TMEM52B: variants seen among roughly 807,000 people sequenced by gnomAD.
The protein encoded by TMEM52B is chromosome 12 open reading frame 59.
A neutral mutation model predicts 16.1 loss-of-function variants in TMEM52B; 11 were observed. That is an observed-to-expected ratio of 0.68 (90% confidence interval 0.43 to 1.13). TMEM52B has a LOEUF of 1.13. TMEM52B is among the 50% of genes most tolerant of loss of function. The pLI is 0.00. For missense variants in TMEM52B, 243 were observed against 230.4 expected, an observed-to-expected ratio of 1.05 and a Z score of -0.35; for synonymous variants, 101 against 93.8, an observed-to-expected ratio of 1.08 and a Z score of -0.45.
intron 1 of TMEM52B, chr12:10,182,203 G>C (rs1948833040): frequency 1.0e-6 from 1 of 985,038 alleles, no homozygotes. Context: ...ATTCAACTGG[G>C]CAGGAATTAG....
intron 4 of TMEM52B, among the ~76,000 whole-genome samples, chr12:10,187,099 G>GTTTTTTTTTTTTTTTT (rs71049057): frequency 6.1e-5 from 5 of 82,178 alleles, no homozygotes; most frequent in South Asian, 4.6e-4. Context: ...TTCCATGACG[G>GTTTTTTTTTTTTTTTT]TTTTTTTTTT....
chr12:10,188,212 C>T lies in TMEM52B; in HGVS notation c.307+1623C>T, dbSNP rs1948903490. Among the ~76,000 whole-genome samples the T allele has an allele frequency of 2.0e-5, 3 of 152,128 alleles. No homozygotes were observed. The South Asian group carries it at 6.2e-4, about 31-fold the overall frequency. The stretch of plus-strand genomic sequence containing the variant: ...AAAAAAGGATAACCAAGGCTGGGCA[C>T]GGTGGCTCAGTCCAAGGCGGGCAGA... On this transcript the variant is annotated intron_variant, in intron 4 of 4. Transcript: ENST00000543484.
Position 10,190,752 on chromosome 12 carries a change from C to T in TMEM52B, c.*612C>T, listed in dbSNP as rs913943747. The T allele has an allele frequency of 2.6e-5, 4 of 156,510 alleles. No individual in the cohort carries two copies. The highest frequency in any genetic ancestry group is 7.2e-5 in the African/African-American group (3 of 41,468). 9.7% of individuals were successfully genotyped at this position (156,510 alleles called of 1,614,324 possible). ...TTTCTTTCTCTCTGGTCCTACCCCTCAGCAGTATGAAAAACTCCATACTGT... is the reference window on the plus strand; with the variant it reads ...TTTCTTTCTCTCTGGTCCTACCCCTTAGCAGTATGAAAAACTCCATACTGT... On this transcript the variant is annotated 3_prime_UTR_variant, in exon 5 of 5. Transcript: ENST00000543484.
intron 1 of TMEM52B, among the ~76,000 whole-genome samples, chr12:10,171,099 C>T (rs1031687097): frequency 1.1e-4 from 17 of 152,206 alleles, no homozygotes; most frequent in Non-Finnish European, 1.5e-4. Context: ...TTGTTCACTT[C>T]TGGTTTTACC....
intron 4 of TMEM52B, among the ~76,000 whole-genome samples, chr12:10,187,803 G>A (rs1389804401): frequency 6.6e-6 from 1 of 152,066 alleles, no homozygotes; most frequent in African/African-American, 2.4e-5. Flanking sequence ...TATTTATTTT[G>A]AAAAGAGAGT....
At position 10,190,196 on chromosome 12, in the gene TMEM52B, A is replaced by G; in HGVS notation, c.*56A>G. 1 of 1,601,522 alleles carries G rather than the reference A, an allele frequency of 6.2e-7. No individual in the cohort carries two copies. ...AGTGATGTCCAGAGTCTGTGGGAAA[A>G]TGGAACACATACTTTTCTAACCCTC... On this transcript the variant is annotated 3_prime_UTR_variant, in exon 5 of 5. Transcript: ENST00000543484.
In TMEM52B at chr12:10,190,300, C is replaced by T; in HGVS notation, c.*160C>T. ...ACTCTTCGTTCACAGGCCTTTATAT[C>T]TTCCGATACAGAATGCTCTAATTGG... On this transcript the variant is annotated 3_prime_UTR_variant, in exon 5 of 5. Coordinates refer to ENST00000543484, the MANE Select transcript of TMEM52B (RefSeq NM_001384896.1). 1.1e-6 allele frequency: 1 copy of T among 936,768 alleles called. No individual in the cohort carries two copies. Among genetic ancestry groups the T allele is most frequent in the Non-Finnish European group, 1.6e-6 (1 of 641,286 alleles). 58.0% of individuals were successfully genotyped at this position (936,768 alleles called of 1,614,324 possible). A position where few individuals can be genotyped will look rare whatever the true frequency, so the allele number is the denominator to read the frequency against.
chr12:10,186,417 C>G lies in TMEM52B; in HGVS notation c.138-3C>G. ...CTCCCACTCGCCCCGTGGGCTTTTG[C>G]AGGTTGCTAGTGGTAATTGGCGCGC... On this transcript the variant is annotated splice_polypyrimidine_tract_variant and splice_region_variant and intron_variant, in intron 3 of 4. Transcript: ENST00000543484. 6.3e-7 allele frequency: 1 copy of G among 1,597,178 alleles called. No homozygotes were observed. Among genetic ancestry groups the G allele is most frequent in the South Asian group, 1.1e-5 (1 of 89,326 alleles).
chr12:10,182,682 T>C, intron 2 of TMEM52B, 89 bp downstream of exon 2: 1 of 1,266,636 alleles, frequency 7.9e-7, no homozygotes, highest in South Asian at 1.7e-5. Context: ...TAGACATCTA[T>C]GACTTCTTTT....
upstream of TMEM52B, among the ~76,000 whole-genome samples, chr12:10,176,638 A>G (rs143798929): frequency 3.9e-5 from 6 of 152,338 alleles, no homozygotes; most frequent in Middle Eastern, 3.4e-3. Flanking sequence ...ATTATCCAGA[A>G]TCTTGAAAGT....
At chr12:10,177,270 G>A (rs1948773013), upstream of TMEM52B, among the ~76,000 whole-genome samples, 1 of 152,104 alleles carries the variant, frequency 6.6e-6, no homozygotes, top group Admixed American at 6.6e-5. Context: ...ATAAAAGACT[G>A]TCAGTGCTCA....
At chr12:10,171,938 G>A (rs2137529128) in intron 1 of TMEM52B, 2 of 1,231,934 alleles carry the variant, frequency 1.6e-6, no homozygotes, top group East Asian at 2.3e-5. Context: ...ATTCTTCGGT[G>A]AATTTACATT....
intron 4 of TMEM52B, among the ~76,000 whole-genome samples, chr12:10,186,893 G>A (rs1401093795): frequency 2.0e-5 from 3 of 152,102 alleles, no homozygotes; most frequent in African/African-American, 4.8e-5. Context: ...AACTCCAAAC[G>A]GATGCCTTTT....
Position 10,190,300 on chromosome 12 carries a change from C to A in TMEM52B, c.*160C>A. 2.1e-6 allele frequency: 2 copies of A among 936,764 alleles called. No individual in the cohort carries two copies. The highest frequency in any genetic ancestry group is 3.1e-6 in the Non-Finnish European group (2 of 641,284). The allele number at this position is 936,764 out of a possible 1,614,324, so 58.0% of individuals were successfully genotyped here. On this transcript the variant is annotated 3_prime_UTR_variant, in exon 5 of 5. Transcript: ENST00000543484. ...ACTCTTCGTTCACAGGCCTTTATATCTTCCGATACAGAATGCTCTAATTGG... is the reference window on the plus strand; with the variant it reads ...ACTCTTCGTTCACAGGCCTTTATATATTCCGATACAGAATGCTCTAATTGG...
Position 10,190,655 on chromosome 12 carries a change from A to G in TMEM52B, c.*515A>G. ...GCACAACATACCCACTCGGATATCT[A>G]AAAGCTAGGGATGGCATTGCTGATA... On this transcript the variant is annotated 3_prime_UTR_variant, in exon 5 of 5. Transcript: ENST00000543484. 1 of 165,276 alleles carries G rather than the reference A, an allele frequency of 6.1e-6. No homozygotes were observed. Among genetic ancestry groups the G allele is most frequent in the Non-Finnish European group, 1.3e-5 (1 of 74,198 alleles). The allele number at this position is 165,276 out of a possible 1,614,324, so 10.2% of individuals were successfully genotyped here. A position where few individuals can be genotyped will look rare whatever the true frequency, so the allele number is the denominator to read the frequency against.
At chr12:10,182,665 A>T (rs146392711) in intron 2 of TMEM52B, 72 bp downstream of exon 2, 1 of 1,428,540 alleles carries the variant, frequency 7.0e-7, no homozygotes, top group Non-Finnish European at 9.3e-7. Context: ...GAGAGTCAAG[A>T]TGTCATTAGA....
rs1948954725 is a variant in TMEM52B at position 10,191,222 on chromosome 12, C to CA, written c.*1082_*1083insA. ...CTCACCTTAGAAAAGTCACTGAAATCCTTTTTTTTTTTTTTGAGATGGAGT... is the reference window on the plus strand; with the variant it reads ...CTCACCTTAGAAAAGTCACTGAAATCACTTTTTTTTTTTTTTGAGATGGAGT... On this transcript the variant is annotated 3_prime_UTR_variant, in exon 5 of 5. Coordinates refer to ENST00000543484, the MANE Select transcript of TMEM52B (RefSeq NM_001384896.1). 1 of 150,066 alleles carries CA rather than the reference C, an allele frequency of 6.7e-6. No homozygotes were observed. The highest frequency in any genetic ancestry group is 1.5e-5 in the Non-Finnish European group (1 of 66,846). The allele number at this position is 150,066 out of a possible 1,614,324, so 9.3% of individuals were successfully genotyped here.
rs1238483562 is a variant in TMEM52B at position 10,191,442 on chromosome 12, A to G, written c.*1302A>G. On this transcript the variant is annotated 3_prime_UTR_variant, in exon 5 of 5. Coordinates refer to ENST00000543484, the MANE Select transcript of TMEM52B (RefSeq NM_001384896.1). ...CACCATGTTGGCCAGTCTGGTCTAG[A>G]ACTCCTGACGTCAGGTGATCCGCCC... 6.6e-6 allele frequency: 1 copy of G among 152,102 alleles called. No homozygotes were observed. The highest frequency in any genetic ancestry group is 2.4e-5 in the African/African-American group (1 of 41,404). The allele number at this position is 152,102 out of a possible 1,614,324, so 9.4% of individuals were successfully genotyped here.
chr12:10,176,023 C>T (rs1258032231), upstream of TMEM52B, among the ~76,000 whole-genome samples: 6 of 152,200 alleles, frequency 3.9e-5, no homozygotes, highest in Non-Finnish European at 7.3e-5. Flanking sequence ...ACTCCAAGTC[C>T]TTAACTACCT....
Sources: allele counts gnomAD v4.1 joint callset (sites outside exome capture counted in the v4.1 genomes callset), GRCh38; gene constraint gnomAD v4.1.1; transcripts MANE v1.5; gene names NCBI Gene and HGNC (gene_info 2026-07-23, HGNC 2026-07-21).